The following GADL1 variants were observed in gnomAD, a reference collection of about 807,000 sequenced individuals.
GADL1 encodes the protein acidic amino acid decarboxylase GADL1.
GADL1 carries 71 observed loss-of-function variants against 69.5 expected under a neutral mutation model. The observed-to-expected ratio is 1.02, with a 90% CI of 0.84 to 1.25. The LOEUF (loss-of-function observed/expected upper bound fraction) is 1.25. Among genes scored for constraint, GADL1 ranks in the 50% most tolerant of loss-of-function variants. GADL1 has a pLI of 0.00. For synonymous variants in GADL1, 254 were observed against 214.4 expected, an observed-to-expected ratio of 1.18 and a Z score of -1.62; for missense variants, 737 against 631.8, an observed-to-expected ratio of 1.17 and a Z score of -1.79.
At chr3:30,781,597 C>T (rs1213952550) in intron 13 of GADL1, among the ~76,000 whole-genome samples, 1 of 152,172 alleles carries the variant, frequency 6.6e-6, no homozygotes, top group Non-Finnish European at 1.5e-5. Context: ...ATTTCAAAGG[C>T]AGCACTGGAT....
At chr3:30,729,531 C>T (rs1695423253) in intron 14 of GADL1, among the ~76,000 whole-genome samples, 1 of 152,114 alleles carries the variant, frequency 6.6e-6, no homozygotes, top group Non-Finnish European at 1.5e-5. Context: ...TTTTAAACTC[C>T]TTAGGTGAGG....
intron 1 of GADL1, among the ~76,000 whole-genome samples, chr3:30,890,618 C>T (rs1210367974): frequency 6.6e-6 from 1 of 152,156 alleles, no homozygotes; most frequent in African/African-American, 2.4e-5. Flanking sequence ...CTCATTCTTT[C>T]CTAAAACTGA....
chr3:30,808,808 C>T (rs1307854472), intron 11 of GADL1, among the ~76,000 whole-genome samples: 1 of 152,160 alleles, frequency 6.6e-6, no homozygotes, highest in African/African-American at 2.4e-5. Context: ...TATAAATATT[C>T]CCTCTTTCTG....
intron 14 of GADL1, among the ~76,000 whole-genome samples, chr3:30,742,334 T>C (rs529381600): frequency 6.6e-6 from 1 of 152,090 alleles, no homozygotes; most frequent in East Asian, 1.9e-4. Context: ...GATATTATAC[T>C]TTATTTAAGT....
chr3:30,812,584 A>T (rs1697378459), intron 11 of GADL1, among the ~76,000 whole-genome samples: 1 of 152,172 alleles, frequency 6.6e-6, no homozygotes, highest in South Asian at 2.1e-4. Flanking sequence ...TCCTCCCACA[A>T]CACAAAGGAA....
At chr3:30,861,840 A>G (rs1472585949) in intron 1 of GADL1, 75 bp from the exon 2 acceptor site, 11 of 879,966 alleles carry the variant, frequency 1.3e-5, no homozygotes, top group South Asian at 2.0e-5. Flanking sequence ...GACAAAATGC[A>G]TCACTATCCC....
intron 1 of GADL1, among the ~76,000 whole-genome samples, chr3:30,863,810 CCTCAAAGTT>C (rs1260503293): frequency 3.0e-5 from 4 of 133,320 alleles, no homozygotes; most frequent in Admixed American, 2.5e-4. Context: ...TCCACCTTCT[CCTCAAAGTT>C]AAACGTTCTG....
At chr3:30,752,232 C>T (rs747373703) in intron 14 of GADL1, among the ~76,000 whole-genome samples, 60 of 152,162 alleles carry the variant, frequency 3.9e-4, no homozygotes, top group Middle Eastern at 3.4e-3. Context: ...TCCTTTTAAA[C>T]TTAAGGGAGG....
In GADL1 at chr3:30,727,376, CAATTATTGTGCTTTG is replaced by C. The variant is rs1247188246; in HGVS notation, c.*851_*865del. ...ATTTTTCTGTCAATTATTGTGCTTTCAATTATTGTGCTTTGAATTATATATATATATATATGTGTG... is the reference window on the plus strand; with the variant it reads ...ATTTTTCTGTCAATTATTGTGCTTTCAATTATATATATATATATATGTGTG... On this transcript the variant is annotated 3_prime_UTR_variant, in exon 15 of 15. Coordinates refer to ENST00000282538, the MANE Select transcript of GADL1 (RefSeq NM_207359.3). The C allele has an allele frequency of 2.0e-5, 3 of 147,628 alleles. No individual in the cohort carries two copies. Among genetic ancestry groups the C allele is most frequent in the Non-Finnish European group, 4.5e-5 (3 of 67,212 alleles). The allele number at this position is 147,628 out of a possible 1,614,324, so 9.1% of individuals were successfully genotyped here.
At chr3:30,757,168 C>T (rs114262239) in intron 14 of GADL1, among the ~76,000 whole-genome samples, 2,050 of 152,110 alleles carry the variant, frequency 0.013, 45 homozygotes, top group African/African-American at 0.047. Context: ...TACCTCTGCT[C>T]CCAAAATGTG....
intron 14 of GADL1, among the ~76,000 whole-genome samples, chr3:30,773,954 T>G (rs1276245838): frequency 6.6e-6 from 1 of 152,138 alleles, no homozygotes; most frequent in African/African-American, 2.4e-5. Flanking sequence ...GTCAATTTGA[T>G]TAGTGAAAGA....
chr3:30,768,035 A>C (rs1408457027), intron 14 of GADL1, among the ~76,000 whole-genome samples: 216 of 142,668 alleles, frequency 1.5e-3, no homozygotes, highest in Admixed American at 3.7e-3. Flanking sequence ...AACTCCCCAT[A>C]CCCCCCCCCC....
chr3:30,745,232 A>G (rs1695685338), intron 14 of GADL1, among the ~76,000 whole-genome samples: 1 of 152,244 alleles, frequency 6.6e-6, no homozygotes, highest in Non-Finnish European at 1.5e-5. Flanking sequence ...AATTCATGCC[A>G]AGTTAATGAA....
intron 13 of GADL1, among the ~76,000 whole-genome samples, chr3:30,778,494 G>C (rs1428841283): frequency 6.6e-6 from 1 of 152,090 alleles, no homozygotes; most frequent in Non-Finnish European, 1.5e-5. Context: ...CATCTTAAAT[G>C]TGCAAAGATC....
chr3:30,744,071 G>A (rs924994287), intron 14 of GADL1, among the ~76,000 whole-genome samples: 1 of 152,188 alleles, frequency 6.6e-6, no homozygotes, highest in South Asian at 2.1e-4. Context: ...GCTGGGAAAG[G>A]TGGGTGGGGA....
intron 1 of GADL1, among the ~76,000 whole-genome samples, chr3:30,893,988 C>A (rs1324891586): frequency 6.6e-6 from 1 of 152,154 alleles, no homozygotes; most frequent in East Asian, 1.9e-4. Flanking sequence ...AAAGAAGCAG[C>A]AACTATTATT....
At chr3:30,844,292 G>A (rs758674154) in intron 7 of GADL1, 28 bp from the exon 8 acceptor site, 6 of 1,597,482 alleles carry the variant, frequency 3.8e-6, no homozygotes, top group South Asian at 1.1e-5. Flanking sequence ...GAGACTTTCA[G>A]TTATGTTTAG....
chr3:30,753,689 A>G (rs558992478), intron 14 of GADL1, among the ~76,000 whole-genome samples: 5 of 152,350 alleles, frequency 3.3e-5, no homozygotes, highest in Middle Eastern at 3.4e-3. Flanking sequence ...TTTAGATAAT[A>G]TGAGGAAACC....
intron 11 of GADL1, among the ~76,000 whole-genome samples, chr3:30,825,251 T>A (rs746173243): frequency 3.9e-5 from 6 of 151,990 alleles, no homozygotes; most frequent in Admixed American, 2.0e-4. Flanking sequence ...GCTTGCTATT[T>A]TAGAGTTTTT....
Sources: gnomAD v4.1 joint callset for allele counts (sites outside exome capture counted in the v4.1 genomes callset) on GRCh38, gnomAD v4.1.1 for gene constraint, MANE v1.5 for transcripts, NCBI Gene and HGNC (gene_info 2026-07-23, HGNC 2026-07-21) for gene names.